ST13: variants seen among roughly 807,000 people sequenced by gnomAD.
ST13 encodes the protein ST13 Hsp70 interacting protein.
A neutral mutation model predicts 56.7 loss-of-function variants in ST13; 23 were observed. The observed-to-expected ratio is 0.41, with a 90% CI of 0.29 to 0.57. The LOEUF (loss-of-function observed/expected upper bound fraction) is 0.57. ST13 is among the 20% of genes least tolerant of loss of function. The probability of loss-of-function intolerance (pLI) is 0.36; values close to 1 mark genes in which losing one functional copy is unlikely to be tolerated. For missense variants in ST13, 369 were observed against 459.9 expected (o/e 0.80, Z 1.81); for synonymous variants, 132 against 142.4 (o/e 0.93, Z 0.52).
intron 5 of ST13, among the ~76,000 whole-genome samples, chr22:40,839,671 A>C (rs1385840591): frequency 6.6e-6 from 1 of 151,292 alleles, no homozygotes; most frequent in African/African-American, 2.4e-5. Flanking sequence ...AGGCTGAGGC[A>C]GGAGAATTGC....
chr22:40,825,830 C>A lies in ST13; in HGVS notation c.*708G>T, dbSNP rs2145728892. 6.6e-6 allele frequency: 1 copy of A among 152,626 alleles called. No individual in the cohort carries two copies. Among genetic ancestry groups the A allele is most frequent in the Admixed American group, 6.5e-5 (1 of 15,298 alleles). The allele number at this position is 152,626 out of a possible 1,614,324, so 9.5% of individuals were successfully genotyped here. A position where few individuals can be genotyped will look rare whatever the true frequency, so the allele number is the denominator to read the frequency against. ...ATATGAAAAACACTTATTAGATATA[C>A]TGGACAACAAGAGAACTAAGTACTC... On this transcript the variant is annotated 3_prime_UTR_variant, in exon 12 of 12. Transcript: ENST00000216218.
chr22:40,848,682 G>T (rs980799239), intron 2 of ST13, among the ~76,000 whole-genome samples: 1 of 152,184 alleles, frequency 6.6e-6, no homozygotes, highest in Non-Finnish European at 1.5e-5. Flanking sequence ...GGCGGAGGTG[G>T]CAGTGAGCTG....
At position 40,826,242 on chromosome 22, in the gene ST13, G is replaced by C. The variant is rs933241955; in HGVS notation, c.*296C>G. 3 of 200,286 alleles carry C rather than the reference G, an allele frequency of 1.5e-5. No homozygotes were observed. Among genetic ancestry groups the C allele is most frequent in the African/African-American group, 4.6e-5 (2 of 43,156 alleles). The allele number at this position is 200,286 out of a possible 1,614,324, so 12.4% of individuals were successfully genotyped here. A position where few individuals can be genotyped will look rare whatever the true frequency, so the allele number is the denominator to read the frequency against. ...AAAAAAATCCAAAATGATTAGTAAA[G>C]AAAAATATAAGAATTAACAGGCCCT... On this transcript the variant is annotated 3_prime_UTR_variant, in exon 12 of 12. Transcript: ENST00000216218.
chr22:40,829,706 A>C (rs766337715), intron 9 of ST13, 32 bp from the exon 10 acceptor site: 3 of 1,313,174 alleles, frequency 2.3e-6, no homozygotes, highest in Admixed American at 4.3e-5. Flanking sequence ...ATTATATAAT[A>C]GAAGAAGAAA....
At chr22:40,848,827 C>A (rs1039383132) in intron 2 of ST13, among the ~76,000 whole-genome samples, 2 of 152,206 alleles carry the variant, frequency 1.3e-5, no homozygotes, top group Admixed American at 1.3e-4. Flanking sequence ...CATGTCCACT[C>A]ACATTATATT....
chr22:40,832,540 T>C (rs747055836), intron 8 of ST13, 29 bp downstream of exon 8: 4 of 1,538,272 alleles, frequency 2.6e-6, no homozygotes, highest in Non-Finnish European at 2.7e-6. Context: ...ATTTAACTAA[T>C]GACTTTCCCT....
chr22:40,825,103 T>C lies in ST13; in HGVS notation c.*1435A>G, dbSNP rs2057721460. 6.6e-6 allele frequency: 1 copy of C among 152,178 alleles called. No homozygotes were observed. The allele number at this position is 152,178 out of a possible 1,614,324, so 9.4% of individuals were successfully genotyped here. A position where few individuals can be genotyped will look rare whatever the true frequency, so the allele number is the denominator to read the frequency against. Reference sequence around the variant, plus strand: ...CAATGTCAGGTACAATGCCTATACTTAGTCTTATTTAAAATAAGAATTGAA... The same window carrying C: ...CAATGTCAGGTACAATGCCTATACTCAGTCTTATTTAAAATAAGAATTGAA... On this transcript the variant is annotated 3_prime_UTR_variant, in exon 12 of 12. Transcript: ENST00000216218.
chr22:40,829,414 C>T (rs1224186451), intron 10 of ST13, among the ~76,000 whole-genome samples: 2 of 152,166 alleles, frequency 1.3e-5, no homozygotes, highest in Non-Finnish European at 2.9e-5. Context: ...TTTCTGATCA[C>T]ATTTGAAAGA....
At chr22:40,846,008 C>T (rs771108254) in intron 3 of ST13, among the ~76,000 whole-genome samples, 35 of 152,148 alleles carry the variant, frequency 2.3e-4, no homozygotes, top group Non-Finnish European at 4.6e-4. Context: ...GCAATCTTGG[C>T]TCACCGTAAC....
intron 3 of ST13, among the ~76,000 whole-genome samples, chr22:40,845,420 C>A (rs1246748407): frequency 1.3e-5 from 2 of 152,086 alleles, no homozygotes; most frequent in African/African-American, 2.4e-5. Flanking sequence ...CCACCTCGGC[C>A]TCCCAAAGCA....
intron 10 of ST13, 89 bp from the exon 11 acceptor site, chr22:40,827,318 T>A: frequency 1.5e-6 from 2 of 1,378,726 alleles, no homozygotes; most frequent in Non-Finnish European, 2.0e-6. Context: ...TCAAAGAATA[T>A]GGGTGCCACT....
chr22:40,830,973 T>C lies in ST13; in HGVS notation c.682-17A>G, dbSNP rs200427665. 90 of 1,551,562 alleles carry C rather than the reference T, an allele frequency of 5.8e-5. No individual in the cohort carries two copies. Among genetic ancestry groups the C allele is most frequent in the South Asian group, 1.1e-4 (10 of 89,330 alleles). Reference sequence around the variant, plus strand: ...TTTCTGTGCCTAGAAAAAAGAGCCATAGCAAAATAAGCTTGCTCCAAAAGC... The same window carrying C: ...TTTCTGTGCCTAGAAAAAAGAGCCACAGCAAAATAAGCTTGCTCCAAAAGC... On this transcript the variant is annotated splice_polypyrimidine_tract_variant and intron_variant, in intron 8 of 11. Coordinates refer to ENST00000216218, the MANE Select transcript of ST13 (RefSeq NM_003932.5).
At chr22:40,849,442 TG>T in intron 2 of ST13, among the ~76,000 whole-genome samples, 1 of 132,586 alleles carries the variant, frequency 7.5e-6, no homozygotes. Flanking sequence ...ATCGCACCAC[TG>T]CACTCCAGCC....
chr22:40,833,194 A>T (rs2057761877), intron 7 of ST13, among the ~76,000 whole-genome samples: 1 of 152,226 alleles, frequency 6.6e-6, no homozygotes, highest in African/African-American at 2.4e-5. Flanking sequence ...CTCTTCGAAC[A>T]TTTAAATGCT....
intron 1 of ST13, among the ~76,000 whole-genome samples, chr22:40,851,108 A>G (rs2057859144): frequency 6.6e-6 from 1 of 152,162 alleles, no homozygotes; most frequent in Non-Finnish European, 1.5e-5. Context: ...CTTTGCCTCA[A>G]TGAGTCAAAT....
intron 10 of ST13, among the ~76,000 whole-genome samples, chr22:40,828,268 C>A (rs761316672): frequency 1.3e-5 from 2 of 152,074 alleles, no homozygotes; most frequent in Admixed American, 6.5e-5. Context: ...ATATCATAAA[C>A]CTGTATGTCT....
intron 1 of ST13, among the ~76,000 whole-genome samples, chr22:40,855,663 A>C (rs2057887598): frequency 6.6e-6 from 1 of 152,224 alleles, no homozygotes; most frequent in Non-Finnish European, 1.5e-5. Context: ...TTACTATTAT[A>C]TAGTAAATAT....
chr22:40,853,535 G>A (rs1410668063), intron 1 of ST13, among the ~76,000 whole-genome samples: 1 of 152,102 alleles, frequency 6.6e-6, no homozygotes, highest in African/African-American at 2.4e-5. Context: ...GGCACTACAG[G>A]CTTTTTTATG....
intron 3 of ST13, among the ~76,000 whole-genome samples, chr22:40,846,637 A>G (rs2057832681): frequency 6.6e-6 from 1 of 152,188 alleles, no homozygotes. Flanking sequence ...AAAGTAAAAG[A>G]TCTTCAATTT....
Sources: gnomAD v4.1 joint callset for allele counts (sites outside exome capture counted in the v4.1 genomes callset) on GRCh38, gnomAD v4.1.1 for gene constraint, MANE v1.5 for transcripts, NCBI Gene and HGNC (gene_info 2026-07-23, HGNC 2026-07-21) for gene names.